The following UVRAG variants were observed in gnomAD, a reference collection of about 807,000 sequenced individuals.
UVRAG encodes UV radiation resistance associated, also known as UV radiation resistance-associated gene protein.
Under a neutral mutation model 78.0 loss-of-function variants are expected in UVRAG, and 19 were observed. That is an observed-to-expected ratio of 0.24 (90% CI 0.17 to 0.36). The LOEUF (loss-of-function observed/expected upper bound fraction) is 0.36. Ranked by LOEUF, UVRAG falls within the 10% of genes least tolerant of loss-of-function variation. UVRAG has a pLI of 1.00. For synonymous variants in UVRAG, 323 were observed against 324.6 expected, an observed-to-expected ratio of 1.00 and a Z score of 0.05; for missense variants, 740 against 853.8, an observed-to-expected ratio of 0.87 and a Z score of 1.66.
At chr11:75,941,382 A>G (rs1250101258) in intron 6 of UVRAG, among the ~76,000 whole-genome samples, 1 of 152,082 alleles carries the variant, frequency 6.6e-6, no homozygotes, top group East Asian at 1.9e-4. Flanking sequence ...TTTCCTTTCT[A>G]AAAAGCCTTC....
At chr11:76,023,902 C>T (rs1950287118) in intron 12 of UVRAG, among the ~76,000 whole-genome samples, 2 of 151,948 alleles carry the variant, frequency 1.3e-5, no homozygotes, top group African/African-American at 4.8e-5. Flanking sequence ...TCTACTGTAC[C>T]ATTTTTGCTG....
At chr11:75,938,937 G>A (rs1236532696) in intron 6 of UVRAG, among the ~76,000 whole-genome samples, 1 of 152,036 alleles carries the variant, frequency 6.6e-6, no homozygotes, top group Non-Finnish European at 1.5e-5. Context: ...TATTCTGTTG[G>A]GATCCCCATC....
intron 9 of UVRAG, among the ~76,000 whole-genome samples, chr11:76,004,864 G>A (rs1445788335): frequency 6.6e-6 from 1 of 152,128 alleles, no homozygotes; most frequent in Non-Finnish European, 1.5e-5. Context: ...CCTTGCAACT[G>A]TAGTTAATTT....
In UVRAG at chr11:76,140,785, G is replaced by A. The variant is rs1952704949; in HGVS notation, c.1472G>A (p.Gly491Asp). ...TCCATATTTGGGGGTGCAGATGTAGGCTTCTCTGGGGGGATCCCTTCACCA... is the reference window on the plus strand; with the variant it reads ...TCCATATTTGGGGGTGCAGATGTAGACTTCTCTGGGGGGATCCCTTCACCA... Reference protein sequence around the residue: ...QSSIFGGADVGFSGGIPSPDK... With the variant: ...QSSIFGGADVDFSGGIPSPDK... The change falls in exon 15 of 15, where the codon GGC becomes GAC. Residue 491 changes from glycine to aspartate, a missense_variant. Physicochemically the swap from Gly to Asp is moderately conservative, Grantham distance 94. Transcript: ENST00000356136. The A allele has an allele frequency of 3.1e-6, 5 of 1,613,804 alleles. No homozygotes were observed. Among genetic ancestry groups the A allele is most frequent in the African/African-American group, 1.3e-5 (1 of 74,878 alleles).
intron 2 of UVRAG, among the ~76,000 whole-genome samples, chr11:75,860,245 C>T (rs1250398769): frequency 2.0e-5 from 3 of 152,074 alleles, no homozygotes; most frequent in Non-Finnish European, 4.4e-5. Context: ...ACACCCAGCC[C>T]CCAAGTTAAC....
At chr11:75,901,834 C>G (rs17134442) in intron 5 of UVRAG, among the ~76,000 whole-genome samples, 1 of 152,110 alleles carries the variant, frequency 6.6e-6, no homozygotes, top group African/African-American at 2.4e-5. Context: ...AAGATTTGTT[C>G]ACGTCAGTTT....
At chr11:75,982,558 C>T (rs192919128) in intron 7 of UVRAG, among the ~76,000 whole-genome samples, 1 of 152,256 alleles carries the variant, frequency 6.6e-6, no homozygotes, top group East Asian at 1.9e-4. Flanking sequence ...CCAGGATCCC[C>T]ATGTGGTGTC....
At chr11:75,920,008 GTTTTT>G (rs140217190) in intron 6 of UVRAG, among the ~76,000 whole-genome samples, 164 of 55,438 alleles carry the variant, frequency 3.0e-3, no homozygotes, top group African/African-American at 9.3e-3. Flanking sequence ...AATAATTTTG[GTTTTT>G]TTTTTTTTTT....
chr11:75,915,851 C>A (rs1304727656), intron 6 of UVRAG, among the ~76,000 whole-genome samples: 1 of 152,036 alleles, frequency 6.6e-6, no homozygotes, highest in Non-Finnish European at 1.5e-5. Flanking sequence ...GAGTAAATGA[C>A]ATAGTCAGGT....
chr11:76,117,035 G>A (rs1440302364), intron 14 of UVRAG, among the ~76,000 whole-genome samples: 1 of 152,126 alleles, frequency 6.6e-6, no homozygotes, highest in African/African-American at 2.4e-5. Context: ...ATGCCTTCAG[G>A]AATATGAGAG....
chr11:75,830,676 C>G (rs1232537475), intron 1 of UVRAG, among the ~76,000 whole-genome samples: 1 of 152,212 alleles, frequency 6.6e-6, no homozygotes, highest in East Asian at 1.9e-4. Context: ...TCCTCAGGTT[C>G]TTAAGCTTTA....
At chr11:76,122,463 C>A (rs932265954) in intron 14 of UVRAG, among the ~76,000 whole-genome samples, 1 of 152,166 alleles carries the variant, frequency 6.6e-6, no homozygotes, top group African/African-American at 2.4e-5. Context: ...GGTAATAGTG[C>A]GTACTTAATA....
At chr11:75,980,138 AATTTC>A (rs1334051086) in intron 7 of UVRAG, 3 of 154,412 alleles carry the variant, frequency 1.9e-5, no homozygotes, top group African/African-American at 7.5e-5. Flanking sequence ...TTGTTAATTT[AATTTC>A]TCTCTCTCTC....
At chr11:76,043,669 C>T (rs1205268873) in intron 12 of UVRAG, among the ~76,000 whole-genome samples, 7 of 152,106 alleles carry the variant, frequency 4.6e-5, no homozygotes, top group Admixed American at 4.6e-4. Context: ...ATTCATAAAA[C>T]AAATTATTCT....
Position 76,140,776 on chromosome 11 carries a change from C to T in UVRAG, c.1463C>T (p.Ala488Val), listed in dbSNP as rs1036213824. The change falls in exon 15 of 15, where the codon GCA (alanine) becomes GTA (valine). Residue 488 changes from alanine to valine, a missense_variant. Coordinates refer to ENST00000356136, the MANE Select transcript of UVRAG (RefSeq NM_003369.4). Reference sequence around the variant, plus strand: ...AGACAAAGCTCCATATTTGGGGGTGCAGATGTAGGCTTCTCTGGGGGGATC... The same window carrying T: ...AGACAAAGCTCCATATTTGGGGGTGTAGATGTAGGCTTCTCTGGGGGGATC... ...PKRQSSIFGGADVGFSGGIPS... is the reference protein window; with the variant it reads ...PKRQSSIFGGVDVGFSGGIPS... 1.2e-6 allele frequency: 2 copies of T among 1,613,494 alleles called. No homozygotes were observed.
At chr11:76,058,287 TTGGGAGGCTGAAG>T (rs984838419) in intron 12 of UVRAG, among the ~76,000 whole-genome samples, 1 of 152,024 alleles carries the variant, frequency 6.6e-6, no homozygotes, top group African/African-American at 2.4e-5. Context: ...TCTTAACACT[TTGGGAGGCTGAAG>T]TGGGAGGATT....
At chr11:76,056,180 G>A (rs898703473) in intron 12 of UVRAG, among the ~76,000 whole-genome samples, 3 of 152,076 alleles carry the variant, frequency 2.0e-5, no homozygotes, top group Non-Finnish European at 2.9e-5. Context: ...TTGTTTAACC[G>A]TAAGCATGCA....
At chr11:75,974,996 GTT>G (rs1949206947) in intron 7 of UVRAG, among the ~76,000 whole-genome samples, 1 of 152,144 alleles carries the variant, frequency 6.6e-6, no homozygotes, top group Non-Finnish European at 1.5e-5. Context: ...TCTCCTAGGG[GTT>G]TTTATGGTTT....
intron 6 of UVRAG, among the ~76,000 whole-genome samples, chr11:75,937,630 C>T (rs978147503): frequency 1.3e-5 from 2 of 152,120 alleles, no homozygotes; most frequent in African/African-American, 2.4e-5. Context: ...CTAGTATCCT[C>T]TCCTTTATGT....
Sources: allele counts gnomAD v4.1 joint callset (sites outside exome capture counted in the v4.1 genomes callset), GRCh38; gene constraint gnomAD v4.1.1; transcripts MANE v1.5; gene names NCBI Gene and HGNC (gene_info 2026-07-23, HGNC 2026-07-21).